Variants in CASD1 observed in about 807,000 individuals in gnomAD.
CASD1 encodes the protein CAS1 domain sialic acid O acetyltransferase 1.
In CASD1, 41 loss-of-function variants were observed where a neutral mutation model predicts 100.0. The observed-to-expected ratio is 0.41, with a 90% confidence interval of 0.32 to 0.53. The LOEUF (loss-of-function observed/expected upper bound fraction) is 0.53, where lower values mean the gene tolerates loss of function less well. CASD1 is among the 20% of genes least tolerant of loss of function. The probability of loss-of-function intolerance (pLI) is 0.25; values close to 1 mark genes in which losing one functional copy is unlikely to be tolerated. For missense variants in CASD1, 774 were observed against 948.7 expected (o/e 0.82, Z 2.42); for synonymous variants, 321 against 315.6 (o/e 1.02, Z -0.18).
At chr7:94,557,278 C>G (rs899120325), downstream of CASD1, among the ~76,000 whole-genome samples, 11 of 152,024 alleles carry the variant, frequency 7.2e-5, no homozygotes, top group African/African-American at 2.6e-4. Context: ...ACTGATATAC[C>G]TCCATTAATA....
intron 5 of CASD1, among the ~76,000 whole-genome samples, chr7:94,531,647 G>A (rs1403950695): frequency 6.6e-6 from 1 of 152,056 alleles, no homozygotes. Flanking sequence ...ATATCTAAAA[G>A]AAAATGGATT....
chr7:94,526,754 T>C (rs1794590044), intron 3 of CASD1, among the ~76,000 whole-genome samples: 1 of 152,182 alleles, frequency 6.6e-6, no homozygotes, highest in South Asian at 2.1e-4. Context: ...GATTGCTCCT[T>C]GTACTACAGC....
At chr7:94,599,745 T>C in the CASD1 span, 1 of 1,503,192 alleles carries the variant, frequency 6.7e-7, no homozygotes, top group South Asian at 1.1e-5. Context: ...ACAAAATTTA[T>C]GAATTAAATA....
the CASD1 span, chr7:94,588,826 CTA>C: frequency 1.4e-6 from 2 of 1,388,346 alleles, no homozygotes; most frequent in Admixed American, 3.4e-5. Flanking sequence ...TACGGGTAAA[CTA>C]TGACCCCAGT....
chr7:94,580,350 A>G, the CASD1 span, among the ~76,000 whole-genome samples: 1 of 152,090 alleles, frequency 6.6e-6, no homozygotes, highest in Non-Finnish European at 1.5e-5. Context: ...CTGCGGCTAC[A>G]CTGGACTTTC....
intron 1 of CASD1, 87 bp from the exon 2 acceptor site, chr7:94,517,473 A>G: frequency 2.6e-6 from 2 of 762,804 alleles, no homozygotes; most frequent in South Asian, 2.0e-5. Flanking sequence ...CTACTTTTTT[A>G]TTTCAAGGAA....
At chr7:94,589,244 A>G in the CASD1 span, 2 of 164,900 alleles carry the variant, frequency 1.2e-5, no homozygotes, top group Non-Finnish European at 2.7e-5. Context: ...GCATTGGCGG[A>G]ATGCAGAAGT....
chr7:94,516,012 C>A (rs1056415316), intron 1 of CASD1, among the ~76,000 whole-genome samples: 2 of 151,812 alleles, frequency 1.3e-5, no homozygotes, highest in African/African-American at 4.8e-5. Flanking sequence ...TTCTGGAGTT[C>A]TTTTTTTACT....
the CASD1 span, chr7:94,598,235 T>C: frequency 6.0e-6 from 1 of 165,784 alleles, no homozygotes; most frequent in Admixed American, 5.9e-5. Flanking sequence ...TTTCTAACCC[T>C]GATCCCTATA....
the CASD1 span, chr7:94,623,209 A>T: frequency 3.3e-6 from 2 of 606,546 alleles, no homozygotes; most frequent in Non-Finnish European, 5.8e-6. Context: ...TTATTATTTC[A>T]TCAGTTATAT....
At chr7:94,575,208 A>G in the CASD1 span, among the ~76,000 whole-genome samples, 2 of 152,150 alleles carry the variant, frequency 1.3e-5, no homozygotes, top group Non-Finnish European at 2.9e-5. Context: ...CCCTCTTAAC[A>G]CTGCCTTAGC....
the CASD1 span, among the ~76,000 whole-genome samples, chr7:94,581,634 T>C: frequency 6.6e-6 from 1 of 152,318 alleles, no homozygotes; most frequent in East Asian, 1.9e-4. Flanking sequence ...CATTTTGTTT[T>C]CTGTTTCTAC....
In CASD1 at chr7:94,509,820, C is replaced by A; in HGVS notation, c.-265C>A. 1 of 997,572 alleles carries A rather than the reference C, an allele frequency of 1.0e-6. No homozygotes were observed. The highest frequency in any genetic ancestry group is 1.7e-5 in the African/African-American group (1 of 57,554). 61.8% of individuals were successfully genotyped at this position (997,572 alleles called of 1,614,324 possible). On this transcript the variant is annotated 5_prime_UTR_variant, in exon 1 of 18. Coordinates refer to ENST00000297273, the MANE Select transcript of CASD1 (RefSeq NM_022900.5). ...AGGAGGAAGGGGAGGAGACAGGCGT[C>A]CAGGGCGCCTGGGGAACCGGCACGG...
At chr7:94,552,876 G>C (rs888020418) in intron 16 of CASD1, among the ~76,000 whole-genome samples, 29 of 152,178 alleles carry the variant, frequency 1.9e-4, no homozygotes, top group Admixed American at 5.9e-4. Flanking sequence ...GGCGGAGGTT[G>C]CAGTGACCTG....
intron 12 of CASD1, 47 bp downstream of exon 12, chr7:94,545,748 T>G: frequency 7.5e-7 from 1 of 1,324,600 alleles, no homozygotes; most frequent in Non-Finnish European, 1.0e-6. Context: ...TTTTTCAACG[T>G]GTGAAATTTC....
the CASD1 span, among the ~76,000 whole-genome samples, chr7:94,570,454 T>G: frequency 6.6e-6 from 1 of 152,214 alleles, no homozygotes; most frequent in Non-Finnish European, 1.5e-5. Context: ...TACATTTTTA[T>G]GCATCGTGTG....
chr7:94,601,443 C>CAAAAAAAAAAAAAAAAAAAAA, the CASD1 span, among the ~76,000 whole-genome samples: 4 of 89,336 alleles, frequency 4.5e-5, no homozygotes, highest in African/African-American at 1.2e-4. Context: ...ATCCCAGTAT[C>CAAAAAAAAAAAAAAAAAAAAA]AAAAAAAAAA....
the CASD1 span, chr7:94,628,314 C>T: frequency 3.1e-6 from 5 of 1,611,294 alleles, no homozygotes; most frequent in Non-Finnish European, 4.2e-6. Flanking sequence ...GTCTGGGTAA[C>T]CCATTAAATT....
the CASD1 span, among the ~76,000 whole-genome samples, chr7:94,604,824 T>C: frequency 5.7e-5 from 3 of 52,790 alleles, no homozygotes; most frequent in Non-Finnish European, 8.5e-5. Context: ...TATATATATA[T>C]ATATATATAT....
Sources: allele counts gnomAD v4.1 joint callset (sites outside exome capture counted in the v4.1 genomes callset), GRCh38; gene constraint gnomAD v4.1.1; transcripts MANE v1.5; gene names NCBI Gene and HGNC (gene_info 2026-07-23, HGNC 2026-07-21).